Variants in PPFIBP2 observed in about 807,000 individuals in gnomAD.
PPFIBP2 encodes PPFIB scaffold protein 2, also known as liprin-beta-2.
PPFIBP2 carries 118 observed loss-of-function variants against 118.3 expected under a neutral mutation model. The observed-to-expected ratio is 1.00, with a 90% CI of 0.86 to 1.16. PPFIBP2 has a LOEUF of 1.16. Among genes scored for constraint, PPFIBP2 ranks in the 50% most tolerant of loss-of-function variants. The pLI is 0.00. For missense variants in PPFIBP2, 1,195 were observed against 1,073.1 expected (o/e 1.11, Z -1.59); for synonymous variants, 414 against 397.4 (o/e 1.04, Z -0.50).
At chr11:7,515,017 G>T (rs1294914259) in intron 1 of PPFIBP2, among the ~76,000 whole-genome samples, 3 of 152,140 alleles carry the variant, frequency 2.0e-5, no homozygotes, top group African/African-American at 7.2e-5. Context: ...AATTTGTAGT[G>T]TATTATGTGA....
intron 3 of PPFIBP2, chr11:7,577,336 T>TGTGTGTGC (rs1564994398): frequency 6.4e-6 from 2 of 311,806 alleles, no homozygotes; most frequent in East Asian, 8.5e-5. Context: ...TGTGTGTGTG[T>TGTGTGTGC]GTGTGTGTGT....
intron 1 of PPFIBP2, among the ~76,000 whole-genome samples, chr11:7,521,252 AAT>A (rs1336131993): frequency 2.0e-5 from 3 of 152,348 alleles, no homozygotes; most frequent in African/African-American, 7.2e-5. Flanking sequence ...GTTGCATAGT[AAT>A]CATGATCCCT....
intron 3 of PPFIBP2, among the ~76,000 whole-genome samples, chr11:7,584,092 T>C (rs190166644): frequency 1.3e-5 from 2 of 152,378 alleles, no homozygotes; most frequent in East Asian, 3.9e-4. Flanking sequence ...CAAAGGTTGA[T>C]TTCTTTTTTC....
At chr11:7,563,904 G>T (rs138501793) in intron 2 of PPFIBP2, among the ~76,000 whole-genome samples, 2 of 152,126 alleles carry the variant, frequency 1.3e-5, no homozygotes, top group East Asian at 3.9e-4. Flanking sequence ...AGTGGCTCAC[G>T]CCTGTAATCC....
chr11:7,521,310 G>A (rs1476911666), intron 1 of PPFIBP2, among the ~76,000 whole-genome samples: 1 of 152,186 alleles, frequency 6.6e-6, no homozygotes, highest in Admixed American at 6.5e-5. Context: ...GAATAGGACT[G>A]TCTCTCTGAT....
intron 3 of PPFIBP2, among the ~76,000 whole-genome samples, chr11:7,585,443 A>G (rs1318370022): frequency 6.6e-6 from 1 of 151,734 alleles, no homozygotes; most frequent in Non-Finnish European, 1.5e-5. Context: ...TCTGGAACCA[A>G]CTCCTTCCCC....
chr11:7,636,147 C>T (rs2135821969), intron 14 of PPFIBP2, among the ~76,000 whole-genome samples: 1 of 152,328 alleles, frequency 6.6e-6, no homozygotes, highest in Non-Finnish European at 1.5e-5. Context: ...CACCCAACCA[C>T]CATTTATAAC....
chr11:7,649,798 G>T lies in PPFIBP2; in HGVS notation c.2121+144G>T, dbSNP rs180802758. The T allele has an allele frequency of 1.3e-5, 17 of 1,302,430 alleles. No homozygotes were observed. The East Asian group carries it at 2.8e-4, about 21-fold the overall frequency. 80.7% of individuals were successfully genotyped at this position (1,302,430 alleles called of 1,614,324 possible). ...ATTCTTTTGTTTGCTTGTGCTTCCTGTTGCCCCAAACATCCGTTACCTGCA... is the reference window on the plus strand; with the variant it reads ...ATTCTTTTGTTTGCTTGTGCTTCCTTTTGCCCCAAACATCCGTTACCTGCA... On this transcript the variant is annotated intron_variant, in intron 21 of 23. Transcript: ENST00000299492.
chr11:7,629,571 G>A, intron 10 of PPFIBP2, 37 bp downstream of exon 10: 1 of 1,599,368 alleles, frequency 6.3e-7, no homozygotes, highest in African/African-American at 1.3e-5. Flanking sequence ...GTCTCTGAAA[G>A]ATATTCCATC....
At chr11:7,596,753 C>T (rs1263086492) in intron 4 of PPFIBP2, among the ~76,000 whole-genome samples, 2 of 152,212 alleles carry the variant, frequency 1.3e-5, no homozygotes, top group Non-Finnish European at 2.9e-5. Flanking sequence ...CTCATTCTCT[C>T]TCTTCTTGCT....
chr11:7,636,170 ATGTAT>A (rs1851424224), intron 14 of PPFIBP2, among the ~76,000 whole-genome samples: 1 of 152,120 alleles, frequency 6.6e-6, no homozygotes, highest in Non-Finnish European at 1.5e-5. Flanking sequence ...TATATGGAAA[ATGTAT>A]TGTGAGGCTG....
At chr11:7,517,499 G>A (rs542516852) in intron 1 of PPFIBP2, among the ~76,000 whole-genome samples, 9 of 151,870 alleles carry the variant, frequency 5.9e-5, no homozygotes, top group East Asian at 3.9e-4. Context: ...TGGGTACTAC[G>A]GGGAATGTGG....
At chr11:7,577,811 C>G (rs1856667085) in intron 3 of PPFIBP2, among the ~76,000 whole-genome samples, 1 of 152,128 alleles carries the variant, frequency 6.6e-6, no homozygotes, top group African/African-American at 2.4e-5. Context: ...AGGGAGAAAA[C>G]AGTCAGCTGT....
chr11:7,666,845 C>CTCCTTT, the PPFIBP2 span: 1 of 280,482 alleles, frequency 3.6e-6, no homozygotes, highest in Non-Finnish European at 6.9e-6. Context: ...GCCAGGATGG[C>CTCCTTT]TTCACTCGGA....
chr11:7,574,282 G>T (rs1333649320), intron 3 of PPFIBP2, among the ~76,000 whole-genome samples: 1 of 152,174 alleles, frequency 6.6e-6, no homozygotes, highest in Non-Finnish European at 1.5e-5. Context: ...ACCCGTATTT[G>T]TGTACCCTTT....
At position 7,537,194 on chromosome 11, in the gene PPFIBP2, G is replaced by A. The variant is rs76511158; in HGVS notation, c.-36-12246G>A. Among the ~76,000 whole-genome samples, 576 of 152,304 alleles carry A rather than the reference G, an allele frequency of 3.8e-3. 6 individuals are homozygous for A. The highest frequency in any genetic ancestry group is 0.013 in the African/African-American group (551 of 41,554). Reference sequence around the variant, plus strand: ...ACAGGTGAGAGACCCTTCTCAAGCTGGGGCAGCTTCATTCGCTGTCACTAT... The same window carrying A: ...ACAGGTGAGAGACCCTTCTCAAGCTAGGGCAGCTTCATTCGCTGTCACTAT... On this transcript the variant is annotated intron_variant, in intron 1 of 23. Transcript: ENST00000299492.
downstream of PPFIBP2, among the ~76,000 whole-genome samples, chr11:7,654,811 C>G (rs781467221): frequency 8.5e-5 from 13 of 152,226 alleles, no homozygotes; most frequent in Non-Finnish European, 1.3e-4. Flanking sequence ...TCTGCACCCT[C>G]AAGTAAGTCC....
intron 3 of PPFIBP2, among the ~76,000 whole-genome samples, chr11:7,582,265 GA>G (rs1250292412): frequency 1.3e-5 from 2 of 152,188 alleles, no homozygotes; most frequent in Non-Finnish European, 2.9e-5. Context: ...ATTCTGAAAA[GA>G]GAGGTTTTTC....
rs753952788 is a variant in PPFIBP2 at position 7,630,940 on chromosome 11, C to G, written c.980C>G (p.Thr327Ser). 2 of 1,613,862 alleles carry G rather than the reference C, an allele frequency of 1.2e-6. No individual in the cohort carries two copies. Among genetic ancestry groups the G allele is most frequent in the Admixed American group, 3.3e-5 (2 of 60,018 alleles). The stretch of plus-strand genomic sequence containing the variant: ...ATGCTTGCAGGGCCTTCGGAGAGAA[C>G]TCTCTCAATCAATGAAGAAGAACCG... ...VMVTQGPSERTLSINEEEPEG... is the reference protein window; with the variant it reads ...VMVTQGPSERSLSINEEEPEG... The change falls in exon 11 of 24, where the codon ACT becomes AGT. Residue 327 changes from threonine (T) to serine (S), a missense_variant. Physicochemically the swap from Thr to Ser is moderately conservative, Grantham distance 58. Transcript: ENST00000299492.
Sources: gnomAD v4.1 joint callset for allele counts (sites outside exome capture counted in the v4.1 genomes callset) on GRCh38, gnomAD v4.1.1 for gene constraint, MANE v1.5 for transcripts, NCBI Gene and HGNC (gene_info 2026-07-23, HGNC 2026-07-21) for gene names.